YPEL5: variants seen among roughly 807,000 people sequenced by gnomAD.
YPEL5 encodes the protein protein yippee-like 5.
Under a neutral mutation model 10.5 loss-of-function variants are expected in YPEL5, and 1 was observed. That is an observed-to-expected ratio of 0.10 (90% CI 0.03 to 0.45). The LOEUF (loss-of-function observed/expected upper bound fraction) is 0.45, where lower values mean the gene tolerates loss of function less well. YPEL5 is among the 20% of genes least tolerant of loss of function. The pLI is 0.97. For synonymous variants in YPEL5, 61 were observed against 56.6 expected, an observed-to-expected ratio of 1.08 and a Z score of -0.35; for missense variants, 68 against 159.3, an observed-to-expected ratio of 0.43 and a Z score of 3.09.
intron 1 of YPEL5, among the ~76,000 whole-genome samples, chr2:30,151,616 C>A (rs958057089): frequency 6.6e-6 from 1 of 152,094 alleles, no homozygotes; most frequent in Non-Finnish European, 1.5e-5. Context: ...ATTTTTATAA[C>A]CTGGACCTAC....
intron 1 of YPEL5, among the ~76,000 whole-genome samples, chr2:30,150,183 C>T (rs1008164301): frequency 6.6e-6 from 1 of 152,152 alleles, no homozygotes; most frequent in Non-Finnish European, 1.5e-5. Context: ...GAAGTGAAGC[C>T]AGTTAATTGT....
chr2:30,147,724 G>A (rs1403374803), intron 1 of YPEL5: 1 of 151,870 alleles, frequency 6.6e-6, no homozygotes, highest in East Asian at 1.9e-4. Flanking sequence ...CTGCCCAGAG[G>A]ACCCGGGACT....
chr2:30,158,572 A>G (rs1676145135), intron 2 of YPEL5, 47 bp from the exon 3 acceptor site: 1 of 1,582,938 alleles, frequency 6.3e-7, no homozygotes, highest in Admixed American at 1.7e-5. Context: ...ATACTTGGCA[A>G]ATAACTAACA....
At chr2:30,157,838 A>G (rs1463818447) in intron 2 of YPEL5, among the ~76,000 whole-genome samples, 2 of 152,314 alleles carry the variant, frequency 1.3e-5, no homozygotes, top group South Asian at 2.1e-4. Context: ...AGGAGGGCAC[A>G]CTGCAGCAGG....
intron 1 of YPEL5, among the ~76,000 whole-genome samples, chr2:30,151,582 C>G (rs3768668): frequency 0.056 from 8,583 of 152,236 alleles, 887 homozygotes; most frequent in East Asian, 0.5. Flanking sequence ...AAGCTTGGTA[C>G]TTTTCTTATT....
At chr2:30,147,790 C>T (rs895074275) in intron 1 of YPEL5, 3 of 153,082 alleles carry the variant, frequency 2.0e-5, no homozygotes, top group East Asian at 1.9e-4. Context: ...AAGAGAGCCC[C>T]CCGGCCACCC....
At chr2:30,148,890 A>G (rs1675647434) in intron 1 of YPEL5, among the ~76,000 whole-genome samples, 1 of 152,234 alleles carries the variant, frequency 6.6e-6, no homozygotes, top group South Asian at 2.1e-4. Context: ...TGCCTAAAAT[A>G]TCATTCTAGG....
intron 2 of YPEL5, among the ~76,000 whole-genome samples, chr2:30,158,321 A>G (rs7603324): frequency 0.43 from 65,090 of 152,064 alleles, 14,537 homozygotes; most frequent in East Asian, 0.72. Flanking sequence ...TTATGGCTCC[A>G]ATTCCAGGAC....
At chr2:30,157,127 A>G (rs1676077103) in intron 2 of YPEL5, among the ~76,000 whole-genome samples, 1 of 152,160 alleles carries the variant, frequency 6.6e-6, no homozygotes, top group South Asian at 2.1e-4. Flanking sequence ...TACTAAAAAT[A>G]CAAAAATTAG....
chr2:30,147,568 G>T (rs959018271), intron 1 of YPEL5: 1 of 151,214 alleles, frequency 6.6e-6, no homozygotes, highest in Non-Finnish European at 1.5e-5. Context: ...GTCGGAACTT[G>T]ACCGAGTTGT....
chr2:30,147,438 A>G (rs2103500785), intron 1 of YPEL5: 1 of 143,378 alleles, frequency 7.0e-6, no homozygotes, highest in Non-Finnish European at 1.5e-5. Context: ...GCCGAGGCCC[A>G]CGGCGCCCCC....
chr2:30,152,174 T>C (rs1448437187), intron 1 of YPEL5, among the ~76,000 whole-genome samples: 1 of 152,250 alleles, frequency 6.6e-6, no homozygotes, highest in East Asian at 1.9e-4. Flanking sequence ...TTTTTTTTCT[T>C]TTTAAAAAAT....
At chr2:30,158,571 AAAT>A in intron 2 of YPEL5, 45 bp from the exon 3 acceptor site, 1 of 1,580,908 alleles carries the variant, frequency 6.3e-7, no homozygotes, top group Non-Finnish European at 8.7e-7. Flanking sequence ...CATACTTGGC[AAAT>A]AACTAACATG....
intron 1 of YPEL5, among the ~76,000 whole-genome samples, chr2:30,151,284 ATCT>A (rs1157305872): frequency 6.6e-6 from 1 of 152,166 alleles, no homozygotes; most frequent in Admixed American, 6.5e-5. Context: ...GAAGAGAATC[ATCT>A]TTTTTTTTCC....
chr2:30,155,593 T>G (rs949760865), intron 1 of YPEL5, among the ~76,000 whole-genome samples: 1 of 152,262 alleles, frequency 6.6e-6, no homozygotes, highest in Non-Finnish European at 1.5e-5. Context: ...TGTGGTATAT[T>G]CTTGACTATA....
intron 1 of YPEL5, among the ~76,000 whole-genome samples, chr2:30,152,467 G>GT (rs1333324268): frequency 6.6e-6 from 1 of 152,182 alleles, no homozygotes; most frequent in African/African-American, 2.4e-5. Flanking sequence ...TAATTTTGCA[G>GT]TTTTTTAAAT....
At chr2:30,147,843 CCCGCCGCCA>C (rs772009486) in intron 1 of YPEL5, 63 of 153,902 alleles carry the variant, frequency 4.1e-4, no homozygotes, top group Non-Finnish European at 5.5e-4. Context: ...CGAGGGAGGC[CCCGCCGCCA>C]CCGCCGCCGC....
chr2:30,150,027 G>A (rs139402367), intron 1 of YPEL5, among the ~76,000 whole-genome samples: 3 of 152,296 alleles, frequency 2.0e-5, no homozygotes, highest in South Asian at 2.1e-4. Flanking sequence ...ACTTACCAGG[G>A]TTGAAACCAA....
intron 1 of YPEL5, among the ~76,000 whole-genome samples, chr2:30,153,433 G>C (rs773618818): frequency 3.1e-4 from 47 of 152,278 alleles, no homozygotes; most frequent in South Asian, 1.9e-3. Context: ...TCCCATTTTT[G>C]AGGGCTCTGT....
Sources: allele counts gnomAD v4.1 joint callset (sites outside exome capture counted in the v4.1 genomes callset), GRCh38; gene constraint gnomAD v4.1.1; transcripts MANE v1.5; gene names NCBI Gene and HGNC (gene_info 2026-07-23, HGNC 2026-07-21).